The following CACNA2D3 variants were observed in gnomAD, a reference collection of about 807,000 sequenced individuals.
The protein encoded by CACNA2D3 is voltage-dependent calcium channel subunit alpha-2/delta-3.
CACNA2D3 carries 60 observed loss-of-function variants against 160.6 expected under a neutral mutation model. That is an observed-to-expected ratio of 0.37 (90% confidence interval 0.30 to 0.46). The LOEUF (loss-of-function observed/expected upper bound fraction) is 0.46. Among genes scored for constraint, CACNA2D3 ranks in the 20% least tolerant of loss-of-function variants. The pLI, the probability that CACNA2D3 is intolerant of heterozygous loss-of-function variation, is 1.00. For synonymous variants in CACNA2D3, 558 were observed against 492.9 expected (o/e 1.13, Z -1.75); for missense variants, 1,205 against 1,365.0 (o/e 0.88, Z 1.85).
At chr3:55,061,240 G>T (rs900719932) in intron 35 of CACNA2D3, among the ~76,000 whole-genome samples, 59 of 152,218 alleles carry the variant, frequency 3.9e-4, no homozygotes, top group African/African-American at 1.4e-3. Flanking sequence ...ATAACAAAGA[G>T]AATATGCTGG....
chr3:54,954,489 C>A (rs1274258644), intron 27 of CACNA2D3, among the ~76,000 whole-genome samples: 1 of 152,228 alleles, frequency 6.6e-6, no homozygotes, highest in East Asian at 1.9e-4. Context: ...AGGCAGATGC[C>A]TGCCCAGACA....
At chr3:54,774,007 C>A (rs1401791379) in intron 13 of CACNA2D3, among the ~76,000 whole-genome samples, 1 of 152,198 alleles carries the variant, frequency 6.6e-6, no homozygotes, top group East Asian at 1.9e-4. Context: ...CTATCCTCTG[C>A]CATACACCAA....
chr3:54,146,598 G>A (rs567841196), intron 2 of CACNA2D3, among the ~76,000 whole-genome samples: 2 of 152,220 alleles, frequency 1.3e-5, no homozygotes, highest in African/African-American at 2.4e-5. Flanking sequence ...TGGGGAAGGG[G>A]GGCGTGGCCT....
At chr3:54,898,899 G>T (rs935189711) in intron 26 of CACNA2D3, among the ~76,000 whole-genome samples, 3 of 152,224 alleles carry the variant, frequency 2.0e-5, no homozygotes, top group African/African-American at 4.8e-5. Context: ...AGTCTCTGTG[G>T]TGGAGCTCTC....
At position 54,129,377 on chromosome 3, in the gene CACNA2D3, A is replaced by G. The variant is rs190880975; in HGVS notation, c.204+5783A>G. Reference sequence around the variant, plus strand: ...ATAAATGGTAAACATTTCAACTTCCATTTGCTTTGAACAACACTCATTGGG... The same window carrying G: ...ATAAATGGTAAACATTTCAACTTCCGTTTGCTTTGAACAACACTCATTGGG... On this transcript the variant is annotated intron_variant, in intron 2 of 37. Coordinates refer to ENST00000474759, the MANE Select transcript of CACNA2D3 (RefSeq NM_018398.3). Among the ~76,000 whole-genome samples, 7 of 152,272 alleles carry G rather than the reference A, an allele frequency of 4.6e-5. No homozygotes were observed. The South Asian group carries it at 6.2e-4, about 14-fold the overall frequency.
chr3:54,807,120 T>A (rs1266824298), intron 13 of CACNA2D3, among the ~76,000 whole-genome samples: 1 of 152,124 alleles, frequency 6.6e-6, no homozygotes, highest in African/African-American at 2.4e-5. Flanking sequence ...AACCTGGGCA[T>A]TACCATTCAG....
intron 2 of CACNA2D3, among the ~76,000 whole-genome samples, chr3:54,153,922 C>T (rs770635102): frequency 2.0e-4 from 30 of 152,142 alleles, no homozygotes; most frequent in Non-Finnish European, 3.1e-4. Flanking sequence ...ATATAAAGCC[C>T]TTCAGAGCGT....
chr3:54,577,665 C>T (rs1213155355), intron 8 of CACNA2D3, among the ~76,000 whole-genome samples: 1 of 152,190 alleles, frequency 6.6e-6, no homozygotes, highest in Non-Finnish European at 1.5e-5. Flanking sequence ...TGTGCCTGTG[C>T]ACCTAGATGC....
At chr3:54,743,897 A>G (rs535124965) in intron 11 of CACNA2D3, among the ~76,000 whole-genome samples, 15 of 152,290 alleles carry the variant, frequency 9.8e-5, no homozygotes, top group African/African-American at 3.6e-4. Context: ...CAGGGGTTTT[A>G]TGGTATTGGC....
chr3:54,335,471 T>C (rs1704353562), intron 3 of CACNA2D3, among the ~76,000 whole-genome samples: 1 of 152,256 alleles, frequency 6.6e-6, no homozygotes, highest in Non-Finnish European at 1.5e-5. Context: ...CCATGGCATT[T>C]GTAAACTGTC....
chr3:54,338,254 C>T (rs576142274), intron 3 of CACNA2D3, among the ~76,000 whole-genome samples: 17 of 152,264 alleles, frequency 1.1e-4, no homozygotes, highest in African/African-American at 3.9e-4. Context: ...GATGGGTGCA[C>T]AGGAATAAAA....
intron 4 of CACNA2D3, among the ~76,000 whole-genome samples, chr3:54,446,111 GAGATGTCTTTTCGTGTTTTGCTGGA>G (rs1700218404): frequency 6.6e-6 from 1 of 152,188 alleles, no homozygotes; most frequent in African/African-American, 2.4e-5. Context: ...TGTTTTCGGG[GAGATGTCTTTTCGTGTTTTGCTGGA>G]AGATGTCTTT....
At chr3:54,597,524 TACTG>T (rs1457081595) in intron 9 of CACNA2D3, among the ~76,000 whole-genome samples, 35 of 152,352 alleles carry the variant, frequency 2.3e-4, no homozygotes, top group Non-Finnish European at 3.4e-4. Flanking sequence ...GCTTAAATAT[TACTG>T]ACCACATAGG....
At chr3:54,138,858 A>T (rs2107264200) in intron 2 of CACNA2D3, among the ~76,000 whole-genome samples, 1 of 152,292 alleles carries the variant, frequency 6.6e-6, no homozygotes, top group South Asian at 2.1e-4. Context: ...CTGAAGATTA[A>T]TTTTGTCTTG....
At chr3:54,303,029 GTTGTGGTAACAGCAGATCCTCA>G (rs2107491626) in intron 2 of CACNA2D3, among the ~76,000 whole-genome samples, 1 of 152,110 alleles carries the variant, frequency 6.6e-6, no homozygotes, top group East Asian at 1.9e-4. Context: ...CATCCTTTCC[GTTGTGGTAACAGCAGATCCTCA>G]GAGAGGCCTT....
chr3:54,784,848 A>G (rs1702604412), intron 13 of CACNA2D3, among the ~76,000 whole-genome samples: 1 of 152,170 alleles, frequency 6.6e-6, no homozygotes, highest in Non-Finnish European at 1.5e-5. Context: ...ATTTCATGCT[A>G]TTTGCTCTGC....
intron 2 of CACNA2D3, among the ~76,000 whole-genome samples, chr3:54,214,023 A>G (rs1369705841): frequency 6.6e-6 from 1 of 152,150 alleles, no homozygotes; most frequent in Non-Finnish European, 1.5e-5. Flanking sequence ...TTAAGTGGAA[A>G]TATGGGGATG....
chr3:54,393,060 A>T (rs899105094), intron 4 of CACNA2D3, among the ~76,000 whole-genome samples: 1 of 152,180 alleles, frequency 6.6e-6, no homozygotes, highest in Admixed American at 6.5e-5. Flanking sequence ...GGAGTAACAG[A>T]AGCCCTGTAG....
At chr3:54,911,586 T>C (rs1286977366) in intron 27 of CACNA2D3, among the ~76,000 whole-genome samples, 1 of 152,034 alleles carries the variant, frequency 6.6e-6, no homozygotes, top group Admixed American at 6.5e-5. Context: ...CTTTCAGTTA[T>C]GTACAGAGTC....
Sources: gnomAD v4.1 joint callset for allele counts (sites outside exome capture counted in the v4.1 genomes callset) on GRCh38, gnomAD v4.1.1 for gene constraint, MANE v1.5 for transcripts, NCBI Gene and HGNC (gene_info 2026-07-23, HGNC 2026-07-21) for gene names.